Variants in SNTG2 observed in about 807,000 individuals in gnomAD.
SNTG2 encodes syntrophin gamma 2.
Under a neutral mutation model 70.9 loss-of-function variants are expected in SNTG2, and 74 were observed. The ratio of observed to expected loss-of-function variants is 1.04; its 90% CI spans 0.86 to 1.27. The LOEUF is 1.27. SNTG2 is among the 50% of genes most tolerant of loss of function. SNTG2 has a pLI of 0.00. For synonymous variants in SNTG2, 278 were observed against 273.8 expected, an observed-to-expected ratio of 1.02 and a Z score of -0.15; for missense variants, 717 against 690.7, an observed-to-expected ratio of 1.04 and a Z score of -0.43.
intron 13 of SNTG2, among the ~76,000 whole-genome samples, chr2:1,266,760 T>TTTTTTTTTC (rs1558615132): frequency 6.9e-6 from 1 of 144,186 alleles, no homozygotes; most frequent in African/African-American, 2.6e-5. Flanking sequence ...TCTTTTTTTT[T>TTTTTTTTTC]TTTTTCTTGA....
intron 8 of SNTG2, among the ~76,000 whole-genome samples, chr2:1,196,785 A>G (rs938360259): frequency 1.3e-5 from 2 of 152,158 alleles, no homozygotes; most frequent in African/African-American, 2.4e-5. Flanking sequence ...TAGAAAAGCT[A>G]TTCTTCAAAA....
chr2:1,319,187 C>T (rs1016168316), intron 16 of SNTG2, among the ~76,000 whole-genome samples: 1 of 152,204 alleles, frequency 6.6e-6, no homozygotes, highest in Non-Finnish European at 1.5e-5. Context: ...TCAGGTGGGA[C>T]ACAGGCTTTG....
At chr2:1,288,536 GAC>G (rs1274703144) in intron 14 of SNTG2, among the ~76,000 whole-genome samples, 7 of 152,196 alleles carry the variant, frequency 4.6e-5, no homozygotes, top group African/African-American at 1.4e-4. Context: ...GTGCACACAT[GAC>G]ACACACATGC....
At chr2:1,291,835 T>C (rs780077271) in intron 14 of SNTG2, among the ~76,000 whole-genome samples, 1 of 152,212 alleles carries the variant, frequency 6.6e-6, no homozygotes, top group East Asian at 1.9e-4. Context: ...TGACATTCCA[T>C]AGGAATTTTA....
intron 1 of SNTG2, among the ~76,000 whole-genome samples, chr2:1,031,106 C>A (rs533202581): frequency 1.3e-5 from 2 of 152,148 alleles, no homozygotes; most frequent in South Asian, 2.1e-4. Context: ...AATTTGCAGG[C>A]TCCAATATTG....
At chr2:981,305 A>G (rs1357779292) in intron 1 of SNTG2, among the ~76,000 whole-genome samples, 1 of 152,244 alleles carries the variant, frequency 6.6e-6, no homozygotes, top group African/African-American at 2.4e-5. Flanking sequence ...CTGTTGATTC[A>G]CATGAAATAT....
intron 14 of SNTG2, among the ~76,000 whole-genome samples, chr2:1,277,163 C>A (rs1206320596): frequency 6.6e-6 from 1 of 152,182 alleles, no homozygotes; most frequent in Non-Finnish European, 1.5e-5. Flanking sequence ...GATAAAGTAG[C>A]AGCAGGGTTT....
rs992715379 is a variant in SNTG2, at chr2:1,256,517, T to C, written c.1006-2853T>C. ...TCTTAAATAACCCCCTTCTGTTACA[T>C]GGTCATGTTCGGCCTTGAATTGTTG... On this transcript the variant is annotated intron_variant, in intron 12 of 16. Transcript: ENST00000308624. 3.5e-4 allele frequency: 54 copies of C among 152,324 alleles called. 1 individual carries two copies. The highest frequency in any genetic ancestry group is 1.0e-3 in the African/African-American group (43 of 41,572). The allele number at this position is 152,324 out of a possible 1,614,324, so 9.4% of individuals were successfully genotyped here.
intron 8 of SNTG2, among the ~76,000 whole-genome samples, chr2:1,192,468 G>A (rs1009615696): frequency 2.0e-5 from 3 of 152,142 alleles, no homozygotes; most frequent in Non-Finnish European, 2.9e-5. Flanking sequence ...TGACACAGTC[G>A]TGTGATGAAA....
At chr2:1,304,915 T>C (rs575084857) in intron 14 of SNTG2, among the ~76,000 whole-genome samples, 71 of 152,352 alleles carry the variant, frequency 4.7e-4, no homozygotes, top group African/African-American at 1.6e-3. Flanking sequence ...CTTTAAGCTT[T>C]CATTAATAAG....
At chr2:1,129,625 T>G (rs1183137681) in intron 4 of SNTG2, among the ~76,000 whole-genome samples, 1 of 152,212 alleles carries the variant, frequency 6.6e-6, no homozygotes, top group Non-Finnish European at 1.5e-5. Context: ...GTCCTTAATG[T>G]TCCATGTTTT....
chr2:1,082,500 A>G (rs1192100817), intron 1 of SNTG2, among the ~76,000 whole-genome samples: 1 of 152,088 alleles, frequency 6.6e-6, no homozygotes, highest in Non-Finnish European at 1.5e-5. Flanking sequence ...GCCCTCATGT[A>G]TGGCTCTGAA....
intron 16 of SNTG2, among the ~76,000 whole-genome samples, chr2:1,337,198 G>A (rs1346866732): frequency 6.6e-6 from 1 of 152,108 alleles, no homozygotes; most frequent in Non-Finnish European, 1.5e-5. Flanking sequence ...AATTATTCGG[G>A]TATTGAACAA....
intron 1 of SNTG2, among the ~76,000 whole-genome samples, chr2:1,062,185 T>A (rs2148115808): frequency 6.6e-6 from 1 of 152,290 alleles, no homozygotes; most frequent in South Asian, 2.1e-4. Context: ...GGTAGGAATA[T>A]AAATGGCTCT....
chr2:1,121,796 C>T (rs903946123), intron 4 of SNTG2, among the ~76,000 whole-genome samples: 1 of 152,104 alleles, frequency 6.6e-6, no homozygotes, highest in African/African-American at 2.4e-5. Context: ...CTTGTTCTCT[C>T]CCTTGACACG....
chr2:1,135,043 G>C (rs1338115565), intron 4 of SNTG2, among the ~76,000 whole-genome samples: 1 of 152,174 alleles, frequency 6.6e-6, no homozygotes, highest in Non-Finnish European at 1.5e-5. Flanking sequence ...CTGCAAAAAA[G>C]TCTGGGTCCA....
chr2:990,036 C>T (rs948523677), intron 1 of SNTG2, among the ~76,000 whole-genome samples: 1 of 152,184 alleles, frequency 6.6e-6, no homozygotes, highest in African/African-American at 2.4e-5. Context: ...CAGCTGCTGA[C>T]CCCTTTGTGG....
chr2:1,035,449 T>C (rs1379511401), intron 1 of SNTG2, among the ~76,000 whole-genome samples: 1 of 152,244 alleles, frequency 6.6e-6, no homozygotes, highest in Non-Finnish European at 1.5e-5. Context: ...CTGAATCTTT[T>C]GTACCGCTAC....
intron 9 of SNTG2, among the ~76,000 whole-genome samples, chr2:1,230,486 C>T (rs1373635416): frequency 6.6e-6 from 1 of 152,186 alleles, no homozygotes; most frequent in Admixed American, 6.5e-5. Flanking sequence ...ACAGATCACC[C>T]TCTGTCCTGC....
Sources: allele counts gnomAD v4.1 joint callset (sites outside exome capture counted in the v4.1 genomes callset), GRCh38; gene constraint gnomAD v4.1.1; transcripts MANE v1.5; gene names NCBI Gene and HGNC (gene_info 2026-07-23, HGNC 2026-07-21).